The following NRGN variants were observed in gnomAD, a reference collection of about 807,000 sequenced individuals.
The protein encoded by NRGN is calmodulin-binding protein.
For missense variants in NRGN, 82 were observed against 123.0 expected (o/e 0.67, Z 1.58); for synonymous variants, 47 against 52.8 (o/e 0.89, Z 0.47).
Position 124,740,123 on chromosome 11 carries a change from G to T in NRGN, c.15+24G>T. 1 of 1,332,110 alleles carries T rather than the reference G, an allele frequency of 7.5e-7. No individual in the cohort carries two copies. The highest frequency in any genetic ancestry group is 9.7e-7 in the Non-Finnish European group (1 of 1,033,022). The allele number at this position is 1,332,110 out of a possible 1,614,324, so 82.5% of individuals were successfully genotyped here. A position where few individuals can be genotyped will look rare whatever the true frequency, so the allele number is the denominator to read the frequency against. ...CCGTAAGTTAGAGGGCCCGGGGGAG[G>T]GGCACTTGGCGGGGTCCGCTGCGAG... On this transcript the variant is annotated intron_variant, in intron 1 of 3. Coordinates refer to ENST00000284292, the MANE Select transcript of NRGN (RefSeq NM_006176.3). The surrounding 1 kb of genome is among the most constrained non-coding windows in gnomAD (Gnocchi z 7.5).
At position 124,740,205 on chromosome 11, in the gene NRGN, C is replaced by G; in HGVS notation, c.15+106C>G. 1 of 870,036 alleles carries G rather than the reference C, an allele frequency of 1.1e-6. No homozygotes were observed. Among genetic ancestry groups the G allele is most frequent in the African/African-American group, 1.8e-5 (1 of 57,020 alleles). 53.9% of individuals were successfully genotyped at this position (870,036 alleles called of 1,614,324 possible). ...AGGGATGGAAGTGGATGCGGAAGAC[C>G]TAGGAGCAGAAAGAAAAGGGGTCCT... is the stretch of plus-strand genomic sequence containing the variant. On this transcript the variant is annotated intron_variant, in intron 1 of 3. Coordinates refer to ENST00000284292, the MANE Select transcript of NRGN (RefSeq NM_006176.3). This position sits in a 1 kb window ranked among gnomAD's most constrained non-coding sequence, Gnocchi z 7.5.
intron 1 of NRGN, among the ~76,000 whole-genome samples, chr11:124,741,300 A>T (rs892314125): frequency 6.6e-6 from 1 of 152,192 alleles, no homozygotes; most frequent in Non-Finnish European, 1.5e-5. Flanking sequence ...TTTTCCAAGG[A>T]AGCATGACTC....
At position 124,745,436 on chromosome 11, in the gene NRGN, A is replaced by G; in HGVS notation, c.16-67A>G. 1.6e-6 allele frequency: 2 copies of G among 1,257,782 alleles called. No individual in the cohort carries two copies. The highest frequency in any genetic ancestry group is 2.2e-6 in the Non-Finnish European group (2 of 919,662). 77.9% of individuals were successfully genotyped at this position (1,257,782 alleles called of 1,614,324 possible). A position where few individuals can be genotyped will look rare whatever the true frequency, so the allele number is the denominator to read the frequency against. On this transcript the variant is annotated intron_variant, in intron 1 of 3. Transcript: ENST00000284292. This position sits in a 1 kb window ranked among gnomAD's most constrained non-coding sequence, Gnocchi z 6.4. ...CATAGTCCCTGTCCCTCAGGGCTCT[A>G]TTCCTACCCCACTCCCGCGGATCAA... is the stretch of plus-strand genomic sequence containing the variant.
intron 1 of NRGN, among the ~76,000 whole-genome samples, chr11:124,743,911 A>AAAAAAG (rs1943987837): frequency 6.6e-6 from 1 of 151,992 alleles, no homozygotes; most frequent in African/African-American, 2.4e-5. Context: ...AGAAAAAAAA[A>AAAAAAG]AAGAAGGAGG....
rs1040897248 is a variant in NRGN, at chr11:124,740,684, A to AG, written c.15+589dup. Reference sequence around the variant, plus strand: ...GGCCCCCAAGGCCTTCTCGCTCGGAAGGGGCTGGGTGAAGTGACCGCGAGA... The same window carrying AG: ...GGCCCCCAAGGCCTTCTCGCTCGGAAGGGGGCTGGGTGAAGTGACCGCGAGA... On this transcript the variant is annotated intron_variant, in intron 1 of 3. Transcript: ENST00000284292. This position sits in a 1 kb window ranked among gnomAD's most constrained non-coding sequence, Gnocchi z 7.5. 2.0e-5 allele frequency among the ~76,000 whole-genome samples: 3 copies of AG among 152,236 alleles called. No homozygotes were observed. Among genetic ancestry groups the AG allele is most frequent in the Non-Finnish European group, 4.4e-5 (3 of 68,040 alleles).
At chr11:124,743,378 T>G (rs1433946709) in intron 1 of NRGN, among the ~76,000 whole-genome samples, 2 of 152,178 alleles carry the variant, frequency 1.3e-5, no homozygotes, top group Non-Finnish European at 2.9e-5. Flanking sequence ...GTCACCCTCT[T>G]GAGAAGAAGC....
At chr11:124,742,495 C>CAT (rs765652324) in intron 1 of NRGN, among the ~76,000 whole-genome samples, 82 of 151,918 alleles carry the variant, frequency 5.4e-4, no homozygotes, top group Non-Finnish European at 9.6e-4. Context: ...TTTACATAGC[C>CAT]ATATATATAT....
intron 1 of NRGN, among the ~76,000 whole-genome samples, chr11:124,742,307 C>T (rs1465626833): frequency 6.6e-6 from 1 of 152,114 alleles, no homozygotes; most frequent in Non-Finnish European, 1.5e-5. Context: ...TTCTGGAGCT[C>T]TCCTCACTGA....
Position 124,740,135 on chromosome 11 carries a change from G to A in NRGN, c.15+36G>A, listed in dbSNP as rs868434267. 4 of 1,316,354 alleles carry A rather than the reference G, an allele frequency of 3.0e-6. No homozygotes were observed. The Middle Eastern group carries it at 6.2e-4, about 205-fold the overall frequency. 81.5% of individuals were successfully genotyped at this position (1,316,354 alleles called of 1,614,324 possible). A position where few individuals can be genotyped will look rare whatever the true frequency, so the allele number is the denominator to read the frequency against. On this transcript the variant is annotated intron_variant, in intron 1 of 3. Coordinates refer to ENST00000284292, the MANE Select transcript of NRGN (RefSeq NM_006176.3). The surrounding 1 kb of genome is among the most constrained non-coding windows in gnomAD (Gnocchi z 7.5). ...GGGCCCGGGGGAGGGGCACTTGGCG[G>A]GGTCCGCTGCGAGAGGCGCCTGAGA...
intron 1 of NRGN, among the ~76,000 whole-genome samples, chr11:124,741,597 G>A (rs905841484): frequency 6.6e-6 from 1 of 151,928 alleles, no homozygotes; most frequent in African/African-American, 2.4e-5. Flanking sequence ...GAGGTTCCTG[G>A]GCTCCACTGA....
In NRGN at chr11:124,745,614, C is replaced by A. The variant is rs1300003828; in HGVS notation, c.127C>A (p.Arg43=). ...GGCGAGTTTTCGGGGCCACATGGCG[C>A]GGAAGAAGATAAAGAGCGGAGAGCG... ...IQASFRGHMA[R]KKIKSGERGR... Residue 43 remains arginine, a synonymous_variant, in exon 2 of 4, where the codon CGG becomes AGG. Coordinates refer to ENST00000284292, the MANE Select transcript of NRGN (RefSeq NM_006176.3). The surrounding 1 kb of genome is among the most constrained non-coding windows in gnomAD (Gnocchi z 6.4). 2 of 1,603,532 alleles carry A rather than the reference C, an allele frequency of 1.2e-6. No individual in the cohort carries two copies. The highest frequency in any genetic ancestry group is 2.3e-5 in the East Asian group (1 of 44,076).
rs1944006242 is a variant in NRGN, at chr11:124,745,931, A to G, written c.*6-34A>G. 2.7e-6 allele frequency: 1 copy of G among 371,182 alleles called. No individual in the cohort carries two copies. Among genetic ancestry groups the G allele is most frequent in the South Asian group, 1.2e-4 (1 of 8,558 alleles). The allele number at this position is 371,182 out of a possible 1,614,324, so 23.0% of individuals were successfully genotyped here. A position where few individuals can be genotyped will look rare whatever the true frequency, so the allele number is the denominator to read the frequency against. On this transcript the variant is annotated intron_variant, in intron 2 of 3. Coordinates refer to ENST00000284292, the MANE Select transcript of NRGN (RefSeq NM_006176.3). This position sits in a 1 kb window ranked among gnomAD's most constrained non-coding sequence, Gnocchi z 6.4. The stretch of plus-strand genomic sequence containing the variant: ...GGAGCTCACCTGTTTCTCCCTCTGC[A>G]TCCTCCCTTCTGCCCCGCCCTGGAC...
At position 124,740,156 on chromosome 11, in the gene NRGN, T is replaced by A. The variant is rs1187209243; in HGVS notation, c.15+57T>A. 25 of 1,252,942 alleles carry A rather than the reference T, an allele frequency of 2.0e-5. No homozygotes were observed. The highest frequency in any genetic ancestry group is 2.3e-5 in the Non-Finnish European group (22 of 973,784). 77.6% of individuals were successfully genotyped at this position (1,252,942 alleles called of 1,614,324 possible). A position where few individuals can be genotyped will look rare whatever the true frequency, so the allele number is the denominator to read the frequency against. ...GGCGGGGTCCGCTGCGAGAGGCGCC[T>A]GAGAAAGCCCTGGAGGGCGAGAGAG... On this transcript the variant is annotated intron_variant, in intron 1 of 3. Coordinates refer to ENST00000284292, the MANE Select transcript of NRGN (RefSeq NM_006176.3). This position sits in a 1 kb window ranked among gnomAD's most constrained non-coding sequence, Gnocchi z 7.5.
chr11:124,744,932 A>C (rs1943996171), intron 1 of NRGN: 1 of 152,264 alleles, frequency 6.6e-6, no homozygotes, highest in South Asian at 2.1e-4. Context: ...ATGGGAAAAC[A>C]ATCTCTGGGC....
At position 124,746,966 on chromosome 11, in the gene NRGN, TTCCC is replaced by T. The variant is rs1237562850; in HGVS notation, c.*591_*594del. On this transcript the variant is annotated 3_prime_UTR_variant, in exon 4 of 4. Coordinates refer to ENST00000284292, the MANE Select transcript of NRGN (RefSeq NM_006176.3). ...CCCTATCCCACACCTGCCTGTCACGTTCCCTCCCCTTTCCCCAGCGCACTGTTGA... is the reference window on the plus strand; with the variant it reads ...CCCTATCCCACACCTGCCTGTCACGTTCCCCTTTCCCCAGCGCACTGTTGA... 6.5e-6 allele frequency: 1 copy of T among 152,856 alleles called. No homozygotes were observed. The highest frequency in any genetic ancestry group is 1.5e-5 in the Non-Finnish European group (1 of 68,248). The allele number at this position is 152,856 out of a possible 1,614,324, so 9.5% of individuals were successfully genotyped here.
At chr11:124,742,518 G>T (rs1031096287) in intron 1 of NRGN, among the ~76,000 whole-genome samples, 2 of 152,060 alleles carry the variant, frequency 1.3e-5, no homozygotes, top group Non-Finnish European at 2.9e-5. Context: ...GACTTTTCCT[G>T]CATTCACCGC....
chr11:124,746,023 A>C (rs1944007151), intron 3 of NRGN, 41 bp downstream of exon 3: 2 of 263,756 alleles, frequency 7.6e-6, no homozygotes. Context: ...GGGACCCGTG[A>C]GTGGGAGAAA....
rs1487225223 is a variant in NRGN, at chr11:124,743,726, G to C, written c.16-1777G>C. ...AGCTTGTGGTCCTGGGGCAGAATCT[G>C]GCTAGGACAGTGATCACTGAAGCCT... On this transcript the variant is annotated intron_variant, in intron 1 of 3. Coordinates refer to ENST00000284292, the MANE Select transcript of NRGN (RefSeq NM_006176.3). Among the ~76,000 whole-genome samples the C allele has an allele frequency of 2.6e-5, 4 of 152,060 alleles. No individual in the cohort carries two copies. The East Asian group carries it at 7.7e-4, about 29-fold the overall frequency.
At position 124,739,990 on chromosome 11, in the gene NRGN, G is replaced by A. The variant is rs550827954; in HGVS notation, c.-95G>A. 2 of 540,578 alleles carry A rather than the reference G, an allele frequency of 3.7e-6. No individual in the cohort carries two copies. Among genetic ancestry groups the A allele is most frequent in the South Asian group, 8.9e-5 (2 of 22,444 alleles). The allele number at this position is 540,578 out of a possible 1,614,324, so 33.5% of individuals were successfully genotyped here. A position where few individuals can be genotyped will look rare whatever the true frequency, so the allele number is the denominator to read the frequency against. The stretch of plus-strand genomic sequence containing the variant: ...GCTGTTTCGGCGCGGGTCGGCTGGC[G>A]GCCGACTGCCCCAGAGCCCCCACCC... On this transcript the variant is annotated 5_prime_UTR_variant, in exon 1 of 4. Coordinates refer to ENST00000284292, the MANE Select transcript of NRGN (RefSeq NM_006176.3).
Sources: gnomAD v4.1 joint callset for allele counts (sites outside exome capture counted in the v4.1 genomes callset) on GRCh38, gnomAD v4.1.1 for gene constraint, Gnocchi (gnomAD v3.1) non-coding constraint, MANE v1.5 for transcripts, NCBI Gene and HGNC (gene_info 2026-07-23, HGNC 2026-07-21) for gene names.